CSMD1: variants seen among roughly 807,000 people sequenced by gnomAD.
The protein encoded by CSMD1 is CUB and Sushi multiple domains 1.
A neutral mutation model predicts 417.5 loss-of-function variants in CSMD1; 213 were observed. The ratio of observed to expected loss-of-function variants is 0.51; its 90% CI spans 0.46 to 0.57. The LOEUF (loss-of-function observed/expected upper bound fraction) is 0.57, where lower values mean the gene tolerates loss of function less well. Among genes scored for constraint, CSMD1 ranks in the 20% least tolerant of loss-of-function variants. The pLI is 0.00. For missense variants in CSMD1, 6,923 were observed against 4,529.7 expected, an observed-to-expected ratio of 1.53 and a Z score of -15.17; for synonymous variants, 2,862 against 1,736.8, an observed-to-expected ratio of 1.65 and a Z score of -16.11.
At chr8:4,404,146 G>A (rs149380332) in intron 3 of CSMD1, among the ~76,000 whole-genome samples, 25 of 152,236 alleles carry the variant, frequency 1.6e-4, no homozygotes, top group East Asian at 1.4e-3. Flanking sequence ...TTTTCTCAGC[G>A]TAGAGCTTTC....
At chr8:3,872,715 A>G (rs1381442888) in intron 5 of CSMD1, among the ~76,000 whole-genome samples, 1 of 152,166 alleles carries the variant, frequency 6.6e-6, no homozygotes, top group Non-Finnish European at 1.5e-5. Flanking sequence ...CCTTGTTCTC[A>G]CTATTAACAG....
intron 7 of CSMD1, among the ~76,000 whole-genome samples, chr8:3,699,371 G>A (rs947836525): frequency 6.6e-6 from 1 of 152,088 alleles, no homozygotes; most frequent in Non-Finnish European, 1.5e-5. Flanking sequence ...TTAATTATTT[G>A]TGCTTTTCTC....
At chr8:3,079,460 AGAG>A (rs898894487) in intron 49 of CSMD1, among the ~76,000 whole-genome samples, 29 of 152,378 alleles carry the variant, frequency 1.9e-4, no homozygotes, top group Middle Eastern at 3.4e-3. Context: ...ATCACAAAAC[AGAG>A]GAGAAGATTG....
chr8:4,459,184 G>C (rs1213991752), intron 2 of CSMD1, among the ~76,000 whole-genome samples: 2 of 152,166 alleles, frequency 1.3e-5, no homozygotes, highest in African/African-American at 2.4e-5. Context: ...AGATGAGTTT[G>C]GCCAACAGGC....
At chr8:4,550,936 A>G (rs1403741362) in intron 2 of CSMD1, among the ~76,000 whole-genome samples, 1 of 152,194 alleles carries the variant, frequency 6.6e-6, no homozygotes, top group Non-Finnish European at 1.5e-5. Flanking sequence ...TTTCCTGAGT[A>G]TCTGACTATG....
At chr8:3,489,592 G>A (rs76745076) in intron 11 of CSMD1, among the ~76,000 whole-genome samples, 2 of 152,256 alleles carry the variant, frequency 1.3e-5, no homozygotes, top group African/African-American at 2.4e-5. Context: ...TTTCTTTTAA[G>A]CCTGACATTC....
chr8:3,212,847 G>C (rs1011822057), intron 30 of CSMD1, among the ~76,000 whole-genome samples: 6 of 43,534 alleles, frequency 1.4e-4, no homozygotes, highest in African/African-American at 6.4e-4. Context: ...TTTTTTTTTT[G>C]AGAGAGAGTT....
intron 2 of CSMD1, among the ~76,000 whole-genome samples, chr8:4,426,582 A>G (rs1002506139): frequency 7.0e-6 from 1 of 143,738 alleles, no homozygotes; most frequent in Non-Finnish European, 1.5e-5. Context: ...TATACACAGT[A>G]TGTGCAGTAT....
intron 23 of CSMD1, among the ~76,000 whole-genome samples, chr8:3,322,236 G>A (rs977555178): frequency 5.3e-5 from 8 of 152,036 alleles, no homozygotes; most frequent in East Asian, 3.9e-4. Context: ...CAGCAGGAGC[G>A]GAACATTTTC....
intron 10 of CSMD1, among the ~76,000 whole-genome samples, chr8:3,556,685 G>A (rs186939055): frequency 3.8e-4 from 57 of 151,982 alleles, no homozygotes; most frequent in Non-Finnish European, 7.9e-4. Flanking sequence ...TCTCTCTACT[G>A]TAAGCACCTT....
At chr8:3,406,637 T>C (rs1475360643) in intron 14 of CSMD1, among the ~76,000 whole-genome samples, 1 of 152,166 alleles carries the variant, frequency 6.6e-6, no homozygotes, top group East Asian at 1.9e-4. Context: ...CTATCTTTAT[T>C]TACAGAATGA....
intron 3 of CSMD1, among the ~76,000 whole-genome samples, chr8:4,041,202 A>C (rs530927391): frequency 1.3e-5 from 2 of 151,756 alleles, no homozygotes; most frequent in African/African-American, 4.8e-5. Context: ...TATTTTTGGT[A>C]GAGACGGGGT....
At chr8:4,409,888 A>G (rs960911504) in intron 3 of CSMD1, among the ~76,000 whole-genome samples, 2 of 151,854 alleles carry the variant, frequency 1.3e-5, no homozygotes, top group Non-Finnish European at 2.9e-5. Context: ...ATCTTGGCTC[A>G]CTGCAACCTC....
intron 5 of CSMD1, among the ~76,000 whole-genome samples, chr8:3,930,797 G>C (rs1046455971): frequency 6.7e-6 from 1 of 150,056 alleles, no homozygotes; most frequent in African/African-American, 2.5e-5. Flanking sequence ...CATGTACAAG[G>C]GTCAAGATTT....
intron 8 of CSMD1, among the ~76,000 whole-genome samples, chr8:3,598,127 C>T (rs989928022): frequency 6.6e-6 from 1 of 151,994 alleles, no homozygotes; most frequent in South Asian, 2.1e-4. Context: ...CATATATTTC[C>T]TAACGCATTT....
intron 5 of CSMD1, among the ~76,000 whole-genome samples, chr8:3,861,508 C>G (rs1265397755): frequency 1.3e-5 from 2 of 152,166 alleles, no homozygotes; most frequent in African/African-American, 4.8e-5. Context: ...GCCTTTGAAC[C>G]TGCACCTGAT....
intron 4 of CSMD1, among the ~76,000 whole-genome samples, chr8:4,026,507 G>C (rs948468019): frequency 1.3e-5 from 2 of 152,144 alleles, no homozygotes; most frequent in Non-Finnish European, 2.9e-5. Context: ...AAAACCACTG[G>C]AGGATATGTA....
chr8:4,238,335 G>A (rs1053532649), intron 3 of CSMD1, among the ~76,000 whole-genome samples: 2 of 152,184 alleles, frequency 1.3e-5, no homozygotes, highest in Non-Finnish European at 2.9e-5. Flanking sequence ...GTGCGCGAGG[G>A]TGGTCCTCCA....
At chr8:3,283,603 T>C (rs1009998430) in intron 26 of CSMD1, among the ~76,000 whole-genome samples, 1 of 152,192 alleles carries the variant, frequency 6.6e-6, no homozygotes, top group African/African-American at 2.4e-5. Flanking sequence ...CTCCAGCCTC[T>C]ACTTGCCCCT....
Sources: gnomAD v4.1 joint callset for allele counts (sites outside exome capture counted in the v4.1 genomes callset) on GRCh38, gnomAD v4.1.1 for gene constraint, MANE v1.5 for transcripts, NCBI Gene and HGNC (gene_info 2026-07-23, HGNC 2026-07-21) for gene names.